The following PITPNM3 variants were observed in gnomAD, a reference collection of about 807,000 sequenced individuals.
PITPNM3 encodes membrane-associated phosphatidylinositol transfer protein 3.
A neutral mutation model predicts 102.0 loss-of-function variants in PITPNM3; 26 were observed. That is an observed-to-expected ratio of 0.25 (90% confidence interval 0.19 to 0.35). PITPNM3 has a LOEUF of 0.35. Ranked by LOEUF, PITPNM3 falls within the 10% of genes least tolerant of loss-of-function variation. The pLI is 1.00. For synonymous variants in PITPNM3, 578 were observed against 558.6 expected (o/e 1.03, Z -0.49); for missense variants, 1,083 against 1,346.1 (o/e 0.80, Z 3.06).
At chr17:6,550,840 C>G (rs1270770661) in intron 1 of PITPNM3, among the ~76,000 whole-genome samples, 1 of 152,176 alleles carries the variant, frequency 6.6e-6, no homozygotes, top group Non-Finnish European at 1.5e-5. Context: ...GGGTTCCAGG[C>G]CCAGGGTCAC....
intron 3 of PITPNM3, among the ~76,000 whole-genome samples, chr17:6,521,800 T>C (rs1908540688): frequency 6.6e-6 from 1 of 152,084 alleles, no homozygotes; most frequent in South Asian, 2.1e-4. Flanking sequence ...AGAAAGAGGC[T>C]CCAGGGCCAG....
At chr17:6,522,284 GCGCA>G (rs199930678) in intron 3 of PITPNM3, among the ~76,000 whole-genome samples, 33 of 74,348 alleles carry the variant, frequency 4.4e-4, no homozygotes, top group African/African-American at 2.1e-3. Context: ...TATTTAGTGT[GCGCA>G]CACACACACA....
chr17:6,489,947 T>A (rs1202320750), intron 4 of PITPNM3, among the ~76,000 whole-genome samples: 1 of 150,012 alleles, frequency 6.7e-6, no homozygotes, highest in African/African-American at 2.5e-5. Context: ...GAGGTTGCAG[T>A]GAGCCGAGAT....
chr17:6,474,552 GC>G lies in PITPNM3; in HGVS notation c.1137del (p.Pro380ArgfsTer139). 3.7e-6 allele frequency: 6 copies of G among 1,601,780 alleles called. No individual in the cohort carries two copies. Among genetic ancestry groups the G allele is most frequent in the Admixed American group, 1.7e-5 (1 of 58,170 alleles). Reference protein sequence around the residue: ...KDESETPAAGGPQLPEVSLGR... With the variant: ...KDESETPAAGXPQLPEVSLGR... ...CCCAGGCTGACCTCAGGGAGCTGCG[GC>G]CCCCCAGCCGCCGGGGTCTCAGACT... On this transcript the variant is annotated frameshift_variant, in exon 10 of 20. Transcript: ENST00000262483. LOFTEE classifies it high-confidence loss of function.
chr17:6,505,258 A>G (rs1011915436), intron 3 of PITPNM3, among the ~76,000 whole-genome samples: 2 of 151,534 alleles, frequency 1.3e-5, no homozygotes, highest in Non-Finnish European at 2.9e-5. Flanking sequence ...CAGGTGTTCA[A>G]TAAGTGAGGA....
chr17:6,496,953 T>A (rs950828543), intron 4 of PITPNM3, among the ~76,000 whole-genome samples: 2 of 151,992 alleles, frequency 1.3e-5, no homozygotes, highest in Non-Finnish European at 2.9e-5. Context: ...TGCGTTGGCA[T>A]AGAGGCTAAT....
At chr17:6,542,955 A>C (rs898277334) in intron 1 of PITPNM3, among the ~76,000 whole-genome samples, 2 of 152,166 alleles carry the variant, frequency 1.3e-5, no homozygotes, top group Admixed American at 6.5e-5. Flanking sequence ...CAGACTCCTG[A>C]GCTCAAGCGA....
chr17:6,555,802 G>A (rs1910570944), intron 1 of PITPNM3, among the ~76,000 whole-genome samples: 1 of 152,230 alleles, frequency 6.6e-6, no homozygotes, highest in Non-Finnish European at 1.5e-5. Flanking sequence ...GACCCCAGAA[G>A]AGGCCTCCGC....
At chr17:6,497,940 G>A (rs1906933764) in intron 4 of PITPNM3, among the ~76,000 whole-genome samples, 1 of 152,202 alleles carries the variant, frequency 6.6e-6, no homozygotes, top group Admixed American at 6.5e-5. Context: ...TGCTGAGACT[G>A]GAAGGGAGAG....
At chr17:6,542,874 C>T (rs1244945572) in intron 1 of PITPNM3, among the ~76,000 whole-genome samples, 1 of 152,150 alleles carries the variant, frequency 6.6e-6, no homozygotes, top group African/African-American at 2.4e-5. Flanking sequence ...ACCTTCACTA[C>T]CACATTTATT....
intron 3 of PITPNM3, among the ~76,000 whole-genome samples, chr17:6,512,290 T>A (rs60960546): frequency 0.029 from 4,464 of 152,244 alleles, 210 homozygotes; most frequent in African/African-American, 0.1. Flanking sequence ...CATATTCCTA[T>A]CACTCAGAGA....
chr17:6,538,211 C>A, intron 1 of PITPNM3, 129 bp from the exon 2 acceptor site: 1 of 719,142 alleles, frequency 1.4e-6, no homozygotes, highest in Non-Finnish European at 2.5e-6. Context: ...CCTCCGAGGC[C>A]TCAGACCTCA....
rs1905017571 is a variant in PITPNM3 at position 6,470,506 on chromosome 17, C to T, written c.1625-98G>A. The T allele has an allele frequency of 1.3e-6, 2 of 1,534,958 alleles. No homozygotes were observed. Among genetic ancestry groups the T allele is most frequent in the Non-Finnish European group, 1.8e-6 (2 of 1,114,546 alleles). ...ATTGCACAGACTGGTGGTGGATGCC[C>T]CACGTGGGGCACGGGTTTGGGCGGG... is the stretch of plus-strand genomic sequence containing the variant. On this transcript the variant is annotated intron_variant, in intron 12 of 19. Transcript: ENST00000262483. This position sits in a 1 kb window ranked among gnomAD's most constrained non-coding sequence, Gnocchi z 4.8.
In PITPNM3 at chr17:6,453,111, CTCTT is replaced by C. The variant is rs1195093356; in HGVS notation, c.*2223_*2226del. Reference sequence around the variant, plus strand: ...CCTCTGTCTTCCTTTCTTTCTCTCTCTCTTTCTCTCTCCCTCTCTCTCTCTCTCT... The same window carrying C: ...CCTCTGTCTTCCTTTCTTTCTCTCTCTCTCTCTCCCTCTCTCTCTCTCTCT... On this transcript the variant is annotated 3_prime_UTR_variant, in exon 20 of 20. Coordinates refer to ENST00000262483, the MANE Select transcript of PITPNM3 (RefSeq NM_031220.4). 4.0e-5 allele frequency: 6 copies of C among 149,792 alleles called. No individual in the cohort carries two copies. Among genetic ancestry groups the C allele is most frequent in the South Asian group, 2.1e-4 (1 of 4,784 alleles). 9.3% of individuals were successfully genotyped at this position (149,792 alleles called of 1,614,324 possible).
Position 6,551,173 on chromosome 17 carries a change from C to T in PITPNM3, c.22+5212G>A, listed in dbSNP as rs149067056. Among the ~76,000 whole-genome samples, 329 of 151,754 alleles carry T rather than the reference C, an allele frequency of 2.2e-3. 1 individual carries two copies. The highest frequency in any genetic ancestry group is 7.7e-3 in the African/African-American group (320 of 41,436). On this transcript the variant is annotated intron_variant, in intron 1 of 19. Coordinates refer to ENST00000262483, the MANE Select transcript of PITPNM3 (RefSeq NM_031220.4). Reference sequence around the variant, plus strand: ...GAGATTGAGACCATCCTGGCTAACACGGTGAAACCCCGTGTCTACTAAAAA... The same window carrying T: ...GAGATTGAGACCATCCTGGCTAACATGGTGAAACCCCGTGTCTACTAAAAA...
chr17:6,477,400 G>A (rs901230893), intron 8 of PITPNM3, among the ~76,000 whole-genome samples, 187 bp from the exon 9 acceptor site: 19 of 152,102 alleles, frequency 1.2e-4, no homozygotes, highest in African/African-American at 1.9e-4. Context: ...GCTCTCTCCC[G>A]CATCCACCGG....
At chr17:6,550,840 C>T (rs1270770661) in intron 1 of PITPNM3, among the ~76,000 whole-genome samples, 3 of 152,176 alleles carry the variant, frequency 2.0e-5, no homozygotes, top group Non-Finnish European at 2.9e-5. Context: ...GGGTTCCAGG[C>T]CCAGGGTCAC....
chr17:6,463,741 TC>T lies in PITPNM3; in HGVS notation c.2296del (p.Asp766MetfsTer12). On this transcript the variant is annotated frameshift_variant, in exon 17 of 20. Transcript: ENST00000262483. LOFTEE classifies it high-confidence loss of function. ...SDPKVRPGAV[D>X]VVRHWQDLGY... ...GGAAGGTGGCACTCACCGGACAACA[TC>T]CACTGCACCCGGCCGGACCTTGGGG... The T allele has an allele frequency of 6.2e-7, 1 of 1,611,492 alleles. No homozygotes were observed. The highest frequency in any genetic ancestry group is 8.5e-7 in the Non-Finnish European group (1 of 1,179,734).
chr17:6,527,354 C>T (rs1908891475), intron 2 of PITPNM3, among the ~76,000 whole-genome samples: 2 of 152,166 alleles, frequency 1.3e-5, no homozygotes, highest in African/African-American at 4.8e-5. Context: ...GTGATATCAT[C>T]GTAGGGCCTC....
Sources: gnomAD v4.1 joint callset for allele counts (sites outside exome capture counted in the v4.1 genomes callset) on GRCh38, gnomAD v4.1.1 for gene constraint, Gnocchi (gnomAD v3.1) non-coding constraint, MANE v1.5 for transcripts, NCBI Gene and HGNC (gene_info 2026-07-23, HGNC 2026-07-21) for gene names.